The following AFF3 variants were observed in gnomAD, a reference collection of about 807,000 sequenced individuals.
AFF3 encodes ALF transcription elongation factor 3, also known as AF4/FMR2 family member 3.
In AFF3, 32 loss-of-function variants were observed where a neutral mutation model predicts 129.7. The ratio of observed to expected loss-of-function variants is 0.25; its 90% CI spans 0.19 to 0.33. The LOEUF (loss-of-function observed/expected upper bound fraction) is 0.33, where lower values mean the gene tolerates loss of function less well. Ranked by LOEUF, AFF3 falls within the 10% of genes least tolerant of loss-of-function variation. The pLI, the probability that AFF3 is intolerant of heterozygous loss-of-function variation, is 1.00. For missense variants in AFF3, 1,373 were observed against 1,592.0 expected, an observed-to-expected ratio of 0.86 and a Z score of 2.34; for synonymous variants, 644 against 635.4, an observed-to-expected ratio of 1.01 and a Z score of -0.20.
chr2:99,704,411 C>T lies in AFF3; in HGVS notation c.1091+22666G>A, dbSNP rs564348412. Among the ~76,000 whole-genome samples, 5 of 152,274 alleles carry T rather than the reference C, an allele frequency of 3.3e-5. No individual in the cohort carries two copies. The South Asian group carries it at 6.2e-4, about 19-fold the overall frequency. On this transcript the variant is annotated intron_variant, in intron 11 of 24. Transcript: ENST00000672756. ...CTCCTGGAAGACCTAGCACTACCCA[C>T]GTGGCACTCTGTAGACACTAACATG... is the stretch of plus-strand genomic sequence containing the variant.
intron 4 of AFF3, among the ~76,000 whole-genome samples, chr2:100,104,064 C>T (rs1357228102): frequency 6.6e-6 from 1 of 151,698 alleles, no homozygotes; most frequent in Admixed American, 6.6e-5. Context: ...AGCAGGGGGC[C>T]GACGGGTGGA....
intron 21 of AFF3, 135 bp from the exon 22 acceptor site, chr2:99,559,103 T>C: frequency 1.5e-6 from 1 of 689,552 alleles, no homozygotes; most frequent in South Asian, 1.9e-5. Context: ...TTTCTATACG[T>C]GCATATAATG....
chr2:99,570,025 G>A (rs1676329280), intron 18 of AFF3, among the ~76,000 whole-genome samples: 1 of 152,164 alleles, frequency 6.6e-6, no homozygotes, highest in Non-Finnish European at 1.5e-5. Flanking sequence ...AAACAAACCA[G>A]AATCACAGCA....
rs570776283 is a variant in AFF3 at position 99,718,998 on chromosome 2, G to A, written c.1091+8079C>T. Among the ~76,000 whole-genome samples, 215 of 148,658 alleles carry A rather than the reference G, an allele frequency of 1.4e-3. 1 individual carries two copies. Among genetic ancestry groups the A allele is most frequent in the African/African-American group, 5.0e-3 (200 of 40,326 alleles). ...GATCTCCTGACCTCATGATCCACCC[G>A]CCTTGGCCTCCCAAAGTGCTGGGAT... On this transcript the variant is annotated intron_variant, in intron 11 of 24. Transcript: ENST00000672756.
intron 10 of AFF3, among the ~76,000 whole-genome samples, chr2:99,730,994 C>T (rs1030987886): frequency 6.6e-6 from 1 of 152,074 alleles, no homozygotes; most frequent in Admixed American, 6.6e-5. Context: ...CAGTCTGTTG[C>T]CCAGACTGGA....
At chr2:99,559,629 G>T (rs1347613223) in intron 21 of AFF3, among the ~76,000 whole-genome samples, 1 of 152,100 alleles carries the variant, frequency 6.6e-6, no homozygotes, top group Non-Finnish European at 1.5e-5. Context: ...GGCACAAAAG[G>T]CGTTTCTGAG....
chr2:100,087,940 T>C (rs1405162905), intron 4 of AFF3, among the ~76,000 whole-genome samples: 1 of 150,352 alleles, frequency 6.7e-6, no homozygotes, highest in Non-Finnish European at 1.5e-5. Context: ...TCTCAATACA[T>C]GTAGAAAAGC....
intron 8 of AFF3, among the ~76,000 whole-genome samples, chr2:99,765,891 T>C (rs1425507748): frequency 6.6e-6 from 1 of 152,212 alleles, no homozygotes; most frequent in Non-Finnish European, 1.5e-5. Context: ...AAGCAGCATG[T>C]CCATAAAGGG....
At chr2:99,908,574 T>G (rs1465155414) in intron 7 of AFF3, among the ~76,000 whole-genome samples, 1 of 151,908 alleles carries the variant, frequency 6.6e-6, no homozygotes, top group Admixed American at 6.6e-5. Flanking sequence ...TGCAACATAC[T>G]CATCTGACAA....
chr2:100,137,128 G>A (rs995480624), intron 1 of AFF3, among the ~76,000 whole-genome samples: 1 of 152,140 alleles, frequency 6.6e-6, no homozygotes, highest in African/African-American at 2.4e-5. Flanking sequence ...CACCGCGTGG[G>A]ATCCCACATG....
intron 7 of AFF3, among the ~76,000 whole-genome samples, chr2:99,889,019 C>A (rs7600116): frequency 0.049 from 7,472 of 152,236 alleles, 623 homozygotes; most frequent in African/African-American, 0.17. Flanking sequence ...ATGCTTTAAA[C>A]CTTTAAAAAT....
At chr2:99,947,921 T>C (rs994843619) in intron 7 of AFF3, among the ~76,000 whole-genome samples, 5 of 152,086 alleles carry the variant, frequency 3.3e-5, no homozygotes, top group African/African-American at 1.2e-4. Flanking sequence ...GTTGAAGGGA[T>C]GAATCAGAAG....
intron 11 of AFF3, among the ~76,000 whole-genome samples, chr2:99,693,756 A>G (rs1313155385): frequency 4.6e-5 from 7 of 152,198 alleles, no homozygotes; most frequent in Admixed American, 4.6e-4. Context: ...TAAAAGTGAA[A>G]GCCAGTAGGT....
chr2:99,599,549 C>A (rs1304519752), intron 14 of AFF3, among the ~76,000 whole-genome samples: 1 of 152,228 alleles, frequency 6.6e-6, no homozygotes, highest in Non-Finnish European at 1.5e-5. Flanking sequence ...AGCCACTGCG[C>A]CCGGCCAACT....
In AFF3 at chr2:100,009,326, CTT is replaced by C. The variant is rs397932898; in HGVS notation, c.54-396_54-395del. On this transcript the variant is annotated intron_variant, in intron 4 of 24. Transcript: ENST00000672756. ...AGTGTTATATGGGAATGCTCCTGTT[CTT>C]TTTTTTTTTTTCCTTTTTGCATGGC... 2.0e-3 allele frequency among the ~76,000 whole-genome samples: 286 copies of C among 144,882 alleles called. 4 individuals carry two copies. Among genetic ancestry groups the C allele is most frequent in the African/African-American group, 6.9e-3 (276 of 39,812 alleles).
chr2:100,129,405 T>C (rs1340588282), intron 1 of AFF3, 99 bp from the exon 2 acceptor site: 1 of 150,062 alleles, frequency 6.7e-6, no homozygotes, highest in Non-Finnish European at 1.5e-5. Context: ...TGTGTGTGTG[T>C]GTGTGTGTGT....
At chr2:99,987,911 A>G (rs1255004318) in intron 7 of AFF3, among the ~76,000 whole-genome samples, 1 of 152,214 alleles carries the variant, frequency 6.6e-6, no homozygotes, top group African/African-American at 2.4e-5. Flanking sequence ...CTGCTCTGTG[A>G]TTTTTAAAGC....
At chr2:99,876,954 G>A (rs956767570) in intron 7 of AFF3, among the ~76,000 whole-genome samples, 2 of 152,114 alleles carry the variant, frequency 1.3e-5, no homozygotes, top group African/African-American at 4.8e-5. Context: ...AAGTCGAGTT[G>A]GATTTTATAG....
At chr2:99,718,668 G>A (rs1678597466) in intron 11 of AFF3, among the ~76,000 whole-genome samples, 2 of 152,088 alleles carry the variant, frequency 1.3e-5, no homozygotes, top group South Asian at 4.1e-4. Context: ...GGTGATAAGG[G>A]TAGATATCAT....
Sources: allele counts gnomAD v4.1 joint callset (sites outside exome capture counted in the v4.1 genomes callset), GRCh38; gene constraint gnomAD v4.1.1; transcripts MANE v1.5; gene names NCBI Gene and HGNC (gene_info 2026-07-23, HGNC 2026-07-21).